Variants in PSD4 observed in about 807,000 individuals in gnomAD.
The protein encoded by PSD4 is PH and SEC7 domain-containing protein 4.
A neutral mutation model predicts 112.5 loss-of-function variants in PSD4; 59 were observed. That is an observed-to-expected ratio of 0.52 (90% CI 0.43 to 0.65). PSD4 has a LOEUF of 0.65. Ranked by LOEUF, PSD4 falls within the 30% of genes least tolerant of loss-of-function variation. The probability of loss-of-function intolerance (pLI) is 0.00; values close to 1 mark genes in which losing one functional copy is unlikely to be tolerated. For synonymous variants in PSD4, 533 were observed against 540.0 expected (o/e 0.99, Z 0.18); for missense variants, 1,267 against 1,352.6 (o/e 0.94, Z 0.99).
intron 14 of PSD4, 147 bp from the exon 15 acceptor site, chr2:113,198,593 G>A (rs775939710): frequency 3.9e-5 from 37 of 954,148 alleles, no homozygotes; most frequent in Admixed American, 6.4e-5. Flanking sequence ...TCAGAGGTCG[G>A]GTGCCCGGCT....
chr2:113,186,955 G>C (rs1383508625), intron 5 of PSD4, among the ~76,000 whole-genome samples: 1 of 152,224 alleles, frequency 6.6e-6, no homozygotes, highest in Non-Finnish European at 1.5e-5. Context: ...ATGTTAATGG[G>C]ACTAGCAGGA....
chr2:113,186,707 G>A (rs1173066866), intron 5 of PSD4, among the ~76,000 whole-genome samples: 2 of 152,196 alleles, frequency 1.3e-5, no homozygotes, highest in Admixed American at 6.5e-5. Flanking sequence ...AAGAACCTGG[G>A]CCTGGGGCAC....
chr2:113,177,830 C>T (rs34949856), intron 1 of PSD4, among the ~76,000 whole-genome samples: 22,699 of 152,178 alleles, frequency 0.15, 2,111 homozygotes, highest in Non-Finnish European at 0.21. Context: ...TAGAACCACG[C>T]GGGTAAACAC....
At chr2:113,175,341 T>TTCTCTCTCTCTCTC (rs35717716) in intron 1 of PSD4, 41 of 148,268 alleles carry the variant, frequency 2.8e-4, no homozygotes, top group African/African-American at 9.7e-4. Context: ...TAGCACTGTC[T>TTCTCTCTCTCTCTC]TCTCTCTCTC....
chr2:113,192,262 A>G, intron 5 of PSD4, 118 bp from the exon 6 acceptor site: 1 of 951,714 alleles, frequency 1.1e-6, no homozygotes, highest in Non-Finnish European at 1.6e-6. Flanking sequence ...TTCCCTGAGT[A>G]AGGGCCTGGG....
Position 113,186,018 on chromosome 2 carries a change from C to G in PSD4, c.1391C>G (p.Ser464Trp), listed in dbSNP as rs761343089. ...RGPGPRPSPA[S>W]SQEGSPQLQH... ...CCTGGTCCCAGGCCCAGCCCTGCAT[C>G]GTCCCAGGAGGGCAGCCCGCAGCTT... The change falls in exon 5 of 17, where the codon TCG becomes TGG. Residue 464 changes from serine to tryptophan, a missense_variant. Around this residue, in one of 2 missense-constraint regions of PSD4, gnomAD observed 723 missense variants for 704.0 expected, o/e 1.03. Coordinates refer to ENST00000245796, the MANE Select transcript of PSD4 (RefSeq NM_012455.3). 2 of 1,614,214 alleles carry G rather than the reference C, an allele frequency of 1.2e-6. No homozygotes were observed. Among genetic ancestry groups the G allele is most frequent in the Non-Finnish European group, 8.5e-7 (1 of 1,180,012 alleles).
At chr2:113,200,920 T>A (rs1184864446) in intron 16 of PSD4, among the ~76,000 whole-genome samples, 2 of 151,794 alleles carry the variant, frequency 1.3e-5, no homozygotes, top group African/African-American at 4.8e-5. Context: ...CTCCAAGGGG[T>A]TGGTTATTAT....
chr2:113,187,924 A>G (rs1162382558), intron 5 of PSD4, among the ~76,000 whole-genome samples: 1 of 152,232 alleles, frequency 6.6e-6, no homozygotes, highest in African/African-American at 2.4e-5. Flanking sequence ...GTGTAAGTAC[A>G]AATCCTGTCA....
chr2:113,192,656 C>T (rs1282740583), intron 6 of PSD4, 67 bp downstream of exon 6: 1 of 1,527,510 alleles, frequency 6.5e-7, no homozygotes, highest in South Asian at 1.2e-5. Flanking sequence ...CTGAAGGGCT[C>T]CCTCCACTGG....
chr2:113,182,599 A>G lies in PSD4; in HGVS notation c.143A>G (p.Glu48Gly). The part of the protein sequence containing the change: ...SHEDPPEPFE[E>G]QTWATDPPEP... ...GAGGATCCACCGGAGCCTTTCGAGG[A>G]GCAAACCTGGGCCACTGACCCTCCT... Residue 48 changes from glutamate to glycine, a missense_variant, in exon 2 of 17, where the codon GAG becomes GGG. This residue lies in a region of PSD4 where 723 missense variants were observed against 704.0 expected (regional missense o/e 1.03). Coordinates refer to ENST00000245796, the MANE Select transcript of PSD4 (RefSeq NM_012455.3). 6.2e-7 allele frequency: 1 copy of G among 1,614,114 alleles called. No individual in the cohort carries two copies. The highest frequency in any genetic ancestry group is 1.6e-4 in the Middle Eastern group (1 of 6,062).
In PSD4 at chr2:113,197,921, C is replaced by A; in HGVS notation, c.2624+8C>A. 1 of 1,563,610 alleles carries A rather than the reference C, an allele frequency of 6.4e-7. No individual in the cohort carries two copies. On this transcript the variant is annotated splice_region_variant and intron_variant, in intron 14 of 16. Coordinates refer to ENST00000245796, the MANE Select transcript of PSD4 (RefSeq NM_012455.3). ...CTACCTCTTCCAGGCACCGTAAGTC[C>A]CTGGGGTGGGAGACTGTGGCAAGGC... is the stretch of plus-strand genomic sequence containing the variant.
Position 113,193,431 on chromosome 2 carries a change from G to C in PSD4, c.2032+61G>C, listed in dbSNP as rs888744630. 9.1e-6 allele frequency: 14 copies of C among 1,543,958 alleles called. No homozygotes were observed. The African/African-American group carries it at 1.6e-4, about 18-fold the overall frequency. On this transcript the variant is annotated intron_variant, in intron 8 of 16. Coordinates refer to ENST00000245796, the MANE Select transcript of PSD4 (RefSeq NM_012455.3). The stretch of plus-strand genomic sequence containing the variant: ...AACTTTGGGGTGCCCATGTCTGCTT[G>C]GGAGTTCAGTAGGTGACAGTGAACT...
intron 10 of PSD4, among the ~76,000 whole-genome samples, 173 bp downstream of exon 10, chr2:113,194,121 G>A (rs191353328): frequency 1.8e-4 from 27 of 152,376 alleles, no homozygotes; most frequent in Admixed American, 1.6e-3. Context: ...AGCATCAGAA[G>A]CATCTTGGAA....
rs1303878009 is a variant in PSD4, at chr2:113,200,479, G to A, written c.2914-679G>A. ...CAGGCTATCCCTTGGCTTGTTGGTT[G>A]TATCCATGGCTGTGAACTCCCCACT... On this transcript the variant is annotated intron_variant, in intron 16 of 16. Transcript: ENST00000245796. Among the ~76,000 whole-genome samples, 3 of 152,316 alleles carry A rather than the reference G, an allele frequency of 2.0e-5. No individual in the cohort carries two copies. The South Asian group carries it at 6.2e-4, about 32-fold the overall frequency.
Position 113,201,740 on chromosome 2 carries a change from C to T in PSD4, c.*325C>T, listed in dbSNP as rs77510111. ...CTCCAGGCCCCAGAATCCAGAGTGG[C>T]CTCATTTCCTAGACTTGCTGAGAAC... is the stretch of plus-strand genomic sequence containing the variant. On this transcript the variant is annotated 3_prime_UTR_variant, in exon 17 of 17. Coordinates refer to ENST00000245796, the MANE Select transcript of PSD4 (RefSeq NM_012455.3). 6.8e-4 allele frequency: 252 copies of T among 369,364 alleles called. 2 individuals carry two copies. In the East Asian group the frequency reaches 0.014, roughly 20 times the overall value. 22.9% of individuals were successfully genotyped at this position (369,364 alleles called of 1,614,324 possible). A position where few individuals can be genotyped will look rare whatever the true frequency, so the allele number is the denominator to read the frequency against.
intron 10 of PSD4, among the ~76,000 whole-genome samples, chr2:113,195,058 C>T (rs566939573): frequency 6.6e-6 from 1 of 152,296 alleles, no homozygotes; most frequent in East Asian, 1.9e-4. Flanking sequence ...TCCATCAGAT[C>T]CCTCCCAGTA....
At chr2:113,194,257 A>C (rs2104505358) in intron 10 of PSD4, among the ~76,000 whole-genome samples, 1 of 152,324 alleles carries the variant, frequency 6.6e-6, no homozygotes, top group South Asian at 2.1e-4. Context: ...AAGTCTGAGA[A>C]GGGCAAAGCT....
intron 14 of PSD4, chr2:113,198,420 C>T: frequency 3.6e-6 from 1 of 277,370 alleles, no homozygotes; most frequent in South Asian, 1.3e-4. Context: ...TAAAGGCGGG[C>T]GCCACCGCGC....
Position 113,207,053 on chromosome 2 carries a change from A to G in PSD4, c.*5638A>G, listed in dbSNP as rs544047401. 6.6e-6 allele frequency: 1 copy of G among 152,130 alleles called. No homozygotes were observed. The highest frequency in any genetic ancestry group is 1.5e-5 in the Non-Finnish European group (1 of 68,032). The allele number at this position is 152,130 out of a possible 1,614,324, so 9.4% of individuals were successfully genotyped here. On this transcript the variant is annotated 3_prime_UTR_variant, in exon 17 of 17. Transcript: ENST00000245796. ...AGCAGGAACAACCCTCATGCTTCCA[A>G]GATGGCCCCAGGAACTCTCAAGATC...
Sources: allele counts gnomAD v4.1 joint callset (sites outside exome capture counted in the v4.1 genomes callset), GRCh38; gene constraint gnomAD v4.1.1; regional missense constraint gnomAD v4.1.1; transcripts MANE v1.5; gene names NCBI Gene and HGNC (gene_info 2026-07-23, HGNC 2026-07-21).